MSI2: variants seen among roughly 807,000 people sequenced by gnomAD.
The protein encoded by MSI2 is musashi RNA binding protein 2, also known as RNA-binding protein Musashi homolog 2.
A neutral mutation model predicts 45.6 loss-of-function variants in MSI2; 17 were observed. The ratio of observed to expected loss-of-function variants is 0.37; its 90% CI spans 0.26 to 0.56. The LOEUF is 0.56. Among genes scored for constraint, MSI2 ranks in the 20% least tolerant of loss-of-function variants. The pLI is 0.77. For missense variants in MSI2, 293 were observed against 444.2 expected, an observed-to-expected ratio of 0.66 and a Z score of 3.06; for synonymous variants, 156 against 158.2, an observed-to-expected ratio of 0.99 and a Z score of 0.11.
chr17:57,285,618 C>T (rs1909803715), intron 5 of MSI2, among the ~76,000 whole-genome samples: 1 of 152,104 alleles, frequency 6.6e-6, no homozygotes, highest in Non-Finnish European at 1.5e-5. Context: ...AAGGTTCCGG[C>T]CCCCACAGTC....
At chr17:57,619,933 C>T (rs954784211) in intron 9 of MSI2, among the ~76,000 whole-genome samples, 5 of 152,174 alleles carry the variant, frequency 3.3e-5, no homozygotes, top group African/African-American at 7.2e-5. Flanking sequence ...TTATAACCTC[C>T]GCAGCCCCAC....
intron 6 of MSI2, among the ~76,000 whole-genome samples, chr17:57,484,296 GTGGGT>G (rs1206896020): frequency 2.0e-5 from 3 of 152,154 alleles, no homozygotes; most frequent in Admixed American, 6.5e-5. Context: ...CTTTAGGTGA[GTGGGT>G]CCATGTCTGT....
chr17:57,549,222 T>C (rs1186504431), intron 7 of MSI2, among the ~76,000 whole-genome samples: 2 of 151,906 alleles, frequency 1.3e-5, no homozygotes, highest in South Asian at 2.1e-4. Context: ...TTGTGCATGC[T>C]GCCATCTAAG....
intron 6 of MSI2, among the ~76,000 whole-genome samples, chr17:57,510,805 C>T (rs2086338559): frequency 6.6e-6 from 1 of 152,188 alleles, no homozygotes; most frequent in East Asian, 1.9e-4. Context: ...CTGGAAACAC[C>T]TTTTAGAAAA....
intron 9 of MSI2, chr17:57,618,291 T>C (rs907698828): frequency 2.6e-5 from 4 of 151,792 alleles, no homozygotes; most frequent in Non-Finnish European, 5.9e-5. Flanking sequence ...CAGGACCAAG[T>C]TGGAAATGAA....
intron 6 of MSI2, among the ~76,000 whole-genome samples, chr17:57,420,662 C>T (rs1310664253): frequency 6.6e-6 from 1 of 152,224 alleles, no homozygotes; most frequent in Non-Finnish European, 1.5e-5. Context: ...GCTGAGCTGG[C>T]CTGCCCATCT....
At chr17:57,275,308 G>A (rs944796530) in intron 5 of MSI2, among the ~76,000 whole-genome samples, 8 of 152,200 alleles carry the variant, frequency 5.3e-5, no homozygotes, top group African/African-American at 1.9e-4. Flanking sequence ...AGGGCTGGAT[G>A]GTCCAAGAGG....
chr17:57,372,831 G>A (rs1221227646), intron 5 of MSI2, among the ~76,000 whole-genome samples: 2 of 152,064 alleles, frequency 1.3e-5, no homozygotes, highest in Non-Finnish European at 2.9e-5. Context: ...TTTGAAATCC[G>A]CCACCCCAAT....
chr17:57,537,119 A>G (rs1002153618), intron 7 of MSI2, among the ~76,000 whole-genome samples: 10 of 152,178 alleles, frequency 6.6e-5, no homozygotes, highest in African/African-American at 2.4e-4. Flanking sequence ...AATGTTGGGC[A>G]CACTTGAGTT....
chr17:57,598,454 C>A (rs146357292), intron 8 of MSI2, among the ~76,000 whole-genome samples: 1 of 152,120 alleles, frequency 6.6e-6, no homozygotes, highest in Non-Finnish European at 1.5e-5. Flanking sequence ...TAATATTGTT[C>A]GTATTGTTCC....
chr17:57,424,584 G>A (rs1300915195), intron 6 of MSI2, among the ~76,000 whole-genome samples: 1 of 152,190 alleles, frequency 6.6e-6, no homozygotes, highest in East Asian at 1.9e-4. Context: ...TGTGTGGTGT[G>A]AGGCTTGGGA....
At chr17:57,335,248 G>T (rs1293760056) in intron 5 of MSI2, among the ~76,000 whole-genome samples, 1 of 151,748 alleles carries the variant, frequency 6.6e-6, no homozygotes, top group African/African-American at 2.4e-5. Flanking sequence ...TATAGTAACT[G>T]GTGGATGTTC....
chr17:57,587,419 A>G (rs1904400111), intron 7 of MSI2, among the ~76,000 whole-genome samples: 1 of 152,172 alleles, frequency 6.6e-6, no homozygotes, highest in Admixed American at 6.5e-5. Flanking sequence ...CCTCTGGCAA[A>G]TGCCGCCAAC....
chr17:57,466,833 A>G (rs2085339711), intron 6 of MSI2, among the ~76,000 whole-genome samples: 1 of 152,124 alleles, frequency 6.6e-6, no homozygotes, highest in Admixed American at 6.5e-5. Flanking sequence ...CCAACTTTCA[A>G]ATGAAAATCA....
the MSI2 span, among the ~76,000 whole-genome samples, chr17:57,692,605 G>A: frequency 1.3e-5 from 2 of 152,186 alleles, no homozygotes; most frequent in East Asian, 3.9e-4. Flanking sequence ...TTTTTGTAAT[G>A]CAAATCTGCT....
At chr17:57,565,529 G>A (rs2087709060) in intron 7 of MSI2, among the ~76,000 whole-genome samples, 1 of 152,184 alleles carries the variant, frequency 6.6e-6, no homozygotes. Flanking sequence ...CTGCATTCTT[G>A]CAGACAGTCA....
At chr17:57,463,763 A>G (rs928393174) in intron 6 of MSI2, among the ~76,000 whole-genome samples, 18 of 146,974 alleles carry the variant, frequency 1.2e-4, no homozygotes, top group Non-Finnish European at 4.5e-5. Flanking sequence ...CCCAGTCCAG[A>G]GCACTCCCCC....
At chr17:57,502,602 GATATATATATATATATATATATAT>G (rs57142800) in intron 6 of MSI2, among the ~76,000 whole-genome samples, 6 of 54,418 alleles carry the variant, frequency 1.1e-4, no homozygotes, top group Non-Finnish European at 2.2e-4. Flanking sequence ...ATGACTCTGA[GATATATATATATATATATATATAT>G]ATATATATAT....
chr17:57,373,761 C>T (rs1279483553), intron 5 of MSI2, among the ~76,000 whole-genome samples: 2 of 152,238 alleles, frequency 1.3e-5, no homozygotes, highest in Admixed American at 1.3e-4. Context: ...CACTGTCCTG[C>T]TGTGATCTCC....
Sources: gnomAD v4.1 joint callset for allele counts (sites outside exome capture counted in the v4.1 genomes callset) on GRCh38, gnomAD v4.1.1 for gene constraint, MANE v1.5 for transcripts, NCBI Gene and HGNC (gene_info 2026-07-23, HGNC 2026-07-21) for gene names.